The following SBF2 variants were observed in gnomAD, a reference collection of about 807,000 sequenced individuals.
SBF2 encodes myotubularin-related protein 13.
In SBF2, 112 loss-of-function variants were observed where a neutral mutation model predicts 225.2. The ratio of observed to expected loss-of-function variants is 0.50; its 90% CI spans 0.43 to 0.58. SBF2 has a LOEUF of 0.58. Among genes scored for constraint, SBF2 ranks in the 20% least tolerant of loss-of-function variants. SBF2 has a pLI of 0.00. For missense variants in SBF2, 1,996 were observed against 2,206.2 expected (o/e 0.90, Z 1.91); for synonymous variants, 763 against 773.3 (o/e 0.99, Z 0.22).
intron 2 of SBF2, among the ~76,000 whole-genome samples, chr11:10,192,595 G>T (rs1957217207): frequency 6.6e-6 from 1 of 152,134 alleles, no homozygotes; most frequent in Admixed American, 6.5e-5. Context: ...ATCATTTTAT[G>T]TGTATTTTTT....
intron 3 of SBF2, among the ~76,000 whole-genome samples, chr11:10,039,759 G>A (rs1949581473): frequency 6.6e-6 from 1 of 151,820 alleles, no homozygotes; most frequent in South Asian, 2.1e-4. Flanking sequence ...GGCAGGGAAG[G>A]AATAAAATGA....
chr11:10,048,322 C>A (rs1949944678), intron 2 of SBF2, among the ~76,000 whole-genome samples: 1 of 151,654 alleles, frequency 6.6e-6, no homozygotes, highest in Non-Finnish European at 1.5e-5. Context: ...AAAAGAGTCC[C>A]CAATGTCAAA....
At chr11:10,099,323 GA>G (rs554143369) in intron 2 of SBF2, among the ~76,000 whole-genome samples, 1 of 152,032 alleles carries the variant, frequency 6.6e-6, no homozygotes, top group Admixed American at 6.5e-5. Flanking sequence ...TCAAAGGGCT[GA>G]AAAAAACCAT....
intron 16 of SBF2, among the ~76,000 whole-genome samples, chr11:9,938,016 G>A (rs1865000957): frequency 6.6e-6 from 1 of 150,960 alleles, no homozygotes; most frequent in Non-Finnish European, 1.5e-5. Flanking sequence ...TTCAGGGTCG[G>A]GCACGGTAGC....
chr11:10,239,190 C>T (rs1186776761), intron 1 of SBF2, among the ~76,000 whole-genome samples: 1 of 150,364 alleles, frequency 6.7e-6, no homozygotes, highest in Non-Finnish European at 1.5e-5. Flanking sequence ...AAATCCTTTT[C>T]AAGCTCATAC....
chr11:9,795,539 T>C (rs766620606), intron 33 of SBF2, among the ~76,000 whole-genome samples: 2 of 152,280 alleles, frequency 1.3e-5, no homozygotes, highest in Middle Eastern at 3.4e-3. Flanking sequence ...TGCATCAGGG[T>C]TGGAAAAACT....
chr11:10,168,350 G>T (rs1035347017), intron 2 of SBF2, among the ~76,000 whole-genome samples: 1 of 152,126 alleles, frequency 6.6e-6, no homozygotes, highest in African/African-American at 2.4e-5. Context: ...ACCAAAAAAG[G>T]TTGTTTTTCT....
Position 10,109,088 on chromosome 11 carries a change from A to C in SBF2, c.142-66107T>G, listed in dbSNP as rs931775590. Among the ~76,000 whole-genome samples the C allele has an allele frequency of 2.6e-5, 4 of 152,172 alleles. No homozygotes were observed. In the East Asian group the frequency reaches 7.7e-4, roughly 29 times the overall value. On this transcript the variant is annotated intron_variant, in intron 2 of 39. Coordinates refer to ENST00000256190, the MANE Select transcript of SBF2 (RefSeq NM_030962.4). Reference sequence around the variant, plus strand: ...TGGTGATGCATTGGAAAATATGCTGAACATAAAAATTCCTGCCATATTATT... The same window carrying C: ...TGGTGATGCATTGGAAAATATGCTGCACATAAAAATTCCTGCCATATTATT...
intron 25 of SBF2, among the ~76,000 whole-genome samples, chr11:9,841,439 T>C (rs1232399762): frequency 1.3e-5 from 2 of 152,146 alleles, no homozygotes; most frequent in African/African-American, 4.8e-5. Flanking sequence ...ATTTCAGTGA[T>C]ATAATGGTGG....
At chr11:9,963,320 G>C (rs1000516303) in intron 15 of SBF2, among the ~76,000 whole-genome samples, 12 of 151,832 alleles carry the variant, frequency 7.9e-5, no homozygotes, top group Admixed American at 3.3e-4. Context: ...CAAAAATGAG[G>C]CGGGCGCAGT....
intron 33 of SBF2, among the ~76,000 whole-genome samples, chr11:9,793,685 C>T (rs972079811): frequency 6.6e-6 from 1 of 152,124 alleles, no homozygotes; most frequent in African/African-American, 2.4e-5. Flanking sequence ...ACCACCGTGC[C>T]TGGCCTTACC....
At chr11:9,941,811 C>T (rs1316435377) in intron 16 of SBF2, among the ~76,000 whole-genome samples, 2 of 151,846 alleles carry the variant, frequency 1.3e-5, no homozygotes, top group Admixed American at 6.6e-5. Context: ...ATATATATAA[C>T]GTTTAGAAAG....
chr11:10,200,543 A>C (rs1422548775), intron 1 of SBF2, among the ~76,000 whole-genome samples: 1 of 152,158 alleles, frequency 6.6e-6, no homozygotes, highest in Non-Finnish European at 1.5e-5. Flanking sequence ...CCCTTTTTAA[A>C]ACATGTTTAA....
At position 9,808,889 on chromosome 11, in the gene SBF2, CT is replaced by C; in HGVS notation, c.4257+11del. 6.4e-7 allele frequency: 1 copy of C among 1,569,868 alleles called. No homozygotes were observed. The highest frequency in any genetic ancestry group is 1.1e-5 in the South Asian group (1 of 90,126). On this transcript the variant is annotated intron_variant, in intron 31 of 39. Transcript: ENST00000256190. ...AAATATAAAATATCAAAAAATATGT[CT>C]AATAGTTTACTTGTGCAGTGATGTC... is the stretch of plus-strand genomic sequence containing the variant.
intron 28 of SBF2, among the ~76,000 whole-genome samples, chr11:9,827,134 G>A (rs999410221): frequency 2.0e-5 from 3 of 152,070 alleles, no homozygotes; most frequent in Non-Finnish European, 4.4e-5. Context: ...CACCGTGCCC[G>A]GCCTACTTAG....
rs1006572401 is a variant in SBF2, at chr11:10,260,620, G to A, written c.55+33395C>T. Among the ~76,000 whole-genome samples the A allele has an allele frequency of 4.0e-5, 6 of 150,438 alleles. No homozygotes were observed. The East Asian group carries it at 9.8e-4, about 25-fold the overall frequency. ...AGTCCCAGCTACTCAGGAGAATGGT[G>A]TGAACCCAGGAGGCAGAGCTTGCAG... On this transcript the variant is annotated intron_variant, in intron 1 of 39. Coordinates refer to ENST00000256190, the MANE Select transcript of SBF2 (RefSeq NM_030962.4).
At chr11:9,978,155 A>T (rs1946784277) in intron 13 of SBF2, among the ~76,000 whole-genome samples, 1 of 152,214 alleles carries the variant, frequency 6.6e-6, no homozygotes, top group Non-Finnish European at 1.5e-5. Context: ...TTTTCCTCGC[A>T]TTGATACCAT....
chr11:10,062,766 G>A (rs1248677425), intron 2 of SBF2, among the ~76,000 whole-genome samples: 1 of 152,104 alleles, frequency 6.6e-6, no homozygotes, highest in African/African-American at 2.4e-5. Flanking sequence ...CAACCATTTT[G>A]GAAAGCAGTA....
intron 1 of SBF2, among the ~76,000 whole-genome samples, chr11:10,208,663 C>T (rs531451358): frequency 1.1e-4 from 16 of 152,090 alleles, no homozygotes; most frequent in East Asian, 5.8e-4. Context: ...CAAGGTATTA[C>T]GAAAATTATT....
Sources: gnomAD v4.1 joint callset for allele counts (sites outside exome capture counted in the v4.1 genomes callset) on GRCh38, gnomAD v4.1.1 for gene constraint, MANE v1.5 for transcripts, NCBI Gene and HGNC (gene_info 2026-07-23, HGNC 2026-07-21) for gene names.